PTPN5: variants seen among roughly 807,000 people sequenced by gnomAD.
PTPN5 encodes tyrosine-protein phosphatase non-receptor type 5.
PTPN5 carries 29 observed loss-of-function variants against 73.9 expected under a neutral mutation model. That is an observed-to-expected ratio of 0.39 (90% CI 0.29 to 0.54). The LOEUF (loss-of-function observed/expected upper bound fraction) is 0.54, where lower values mean the gene tolerates loss of function less well. Ranked by LOEUF, PTPN5 falls within the 20% of genes least tolerant of loss-of-function variation. The pLI is 0.65. For synonymous variants in PTPN5, 267 were observed against 304.7 expected (o/e 0.88, Z 1.29); for missense variants, 652 against 751.4 (o/e 0.87, Z 1.55).
At chr11:18,745,674 T>TCAG (rs1296460346) in intron 3 of PTPN5, among the ~76,000 whole-genome samples, 3 of 151,752 alleles carry the variant, frequency 2.0e-5, no homozygotes, top group East Asian at 1.9e-4. Context: ...ATCATCATCA[T>TCAG]CAGCAGCAGC....
intron 7 of PTPN5, among the ~76,000 whole-genome samples, 175 bp from the exon 8 acceptor site, chr11:18,740,967 CCT>C (rs1849339757): frequency 6.6e-6 from 1 of 152,020 alleles, no homozygotes. Flanking sequence ...GAATCTCAGC[CCT>C]GAGGCATTGG....
At chr11:18,748,813 A>T (rs1300706505) in intron 3 of PTPN5, among the ~76,000 whole-genome samples, 2 of 152,198 alleles carry the variant, frequency 1.3e-5, no homozygotes, top group African/African-American at 4.8e-5. Context: ...ATTCAATGTC[A>T]TGCAATTCAG....
At chr11:18,745,255 G>A (rs1849562682) in intron 3 of PTPN5, among the ~76,000 whole-genome samples, 1 of 152,192 alleles carries the variant, frequency 6.6e-6, no homozygotes, top group Non-Finnish European at 1.5e-5. Context: ...TGCTGTATAT[G>A]GGACAATGGA....
chr11:18,751,115 G>A (rs550047087), intron 3 of PTPN5, among the ~76,000 whole-genome samples: 5 of 152,202 alleles, frequency 3.3e-5, no homozygotes, highest in African/African-American at 4.8e-5. Flanking sequence ...CAGCACTCCC[G>A]TGGGCTCTGA....
At chr11:18,757,762 A>G (rs1850220675) in intron 3 of PTPN5, among the ~76,000 whole-genome samples, 2 of 152,178 alleles carry the variant, frequency 1.3e-5, no homozygotes, top group South Asian at 4.1e-4. Context: ...TTGGTGCAGA[A>G]CTCAGAATTC....
intron 3 of PTPN5, among the ~76,000 whole-genome samples, chr11:18,746,694 G>A (rs1487003585): frequency 6.6e-6 from 1 of 152,214 alleles, no homozygotes; most frequent in Non-Finnish European, 1.5e-5. Flanking sequence ...AGTGCCAATG[G>A]AGTCTAAGAG....
At chr11:18,787,169 T>C (rs1286061990) in intron 1 of PTPN5, among the ~76,000 whole-genome samples, 2 of 152,260 alleles carry the variant, frequency 1.3e-5, no homozygotes, top group African/African-American at 4.8e-5. Context: ...TTTTCATACT[T>C]GAGTGACAAC....
chr11:18,746,116 T>G (rs1242102287), intron 3 of PTPN5, among the ~76,000 whole-genome samples: 2 of 146,174 alleles, frequency 1.4e-5, no homozygotes. Context: ...TTTTGCCTGA[T>G]AAATGGAGAT....
At chr11:18,771,076 C>T (rs1215448607) in intron 2 of PTPN5, among the ~76,000 whole-genome samples, 8 of 152,218 alleles carry the variant, frequency 5.3e-5, no homozygotes, top group East Asian at 1.9e-4. Context: ...CTTCCAAGGT[C>T]GGTGAGGAGC....
chr11:18,756,539 C>T (rs1353334484), intron 3 of PTPN5, among the ~76,000 whole-genome samples: 1 of 151,888 alleles, frequency 6.6e-6, no homozygotes, highest in Non-Finnish European at 1.5e-5. Flanking sequence ...TCATGTGACC[C>T]ACCCGTCTCA....
chr11:18,787,959 C>T (rs1266310953), intron 1 of PTPN5, among the ~76,000 whole-genome samples: 1 of 152,168 alleles, frequency 6.6e-6, no homozygotes, highest in Non-Finnish European at 1.5e-5. Context: ...ACCAGCTTTT[C>T]AGGAGGGCTC....
chr11:18,744,164 C>T lies in PTPN5; in HGVS notation c.133G>A (p.Glu45Lys), dbSNP rs753563589. Reference sequence around the variant, plus strand: ...TGTGAGTCCTGGAGCCCTTCAGCCTCGTCCAGTGCCTCCATCACTATCGGC... The same window carrying T: ...TGTGAGTCCTGGAGCCCTTCAGCCTTGTCCAGTGCCTCCATCACTATCGGC... Reference protein sequence around the residue: ...PQPIVMEALDEAEGLQDSQRE... With the variant: ...PQPIVMEALDKAEGLQDSQRE... The change falls in exon 4 of 15, where the codon GAG becomes AAG. Residue 45 changes from glutamate (E) to lysine (K), a missense_variant. Transcript: ENST00000358540. The T allele has an allele frequency of 6.3e-5, 100 of 1,588,474 alleles. 1 individual carries two copies. In the South Asian group the frequency reaches 6.6e-4, roughly 11 times the overall value.
chr11:18,759,094 C>G (rs964999205), intron 3 of PTPN5, among the ~76,000 whole-genome samples: 2 of 152,158 alleles, frequency 1.3e-5, no homozygotes, highest in Admixed American at 6.5e-5. Context: ...TACACTACCC[C>G]ACTCCACTGC....
chr11:18,733,849 G>C lies in PTPN5; in HGVS notation c.1001-214C>G, dbSNP rs1245265039. ...GGTGGAGAGAGAGGGGGGTCCCCGG[G>C]TCTCTACCTCTGTCTCTATCCTTAG... On this transcript the variant is annotated intron_variant, in intron 9 of 14. Coordinates refer to ENST00000358540, the MANE Select transcript of PTPN5 (RefSeq NM_006906.2). The surrounding 1 kb of genome is among the most constrained non-coding windows in gnomAD (Gnocchi z 4.3). 6.6e-6 allele frequency among the ~76,000 whole-genome samples: 1 copy of C among 152,182 alleles called. No individual in the cohort carries two copies. Among genetic ancestry groups the C allele is most frequent in the Non-Finnish European group, 1.5e-5 (1 of 68,026 alleles).
rs185999237 is a variant in PTPN5, at chr11:18,769,388, G to T, written c.20+2551C>A. On this transcript the variant is annotated intron_variant, in intron 2 of 14. Transcript: ENST00000358540. ...TTCTCCAAGGGGGAGACAGGAGCTGGTTTTTTTTTAAATTAATTAATTAAT... is the reference window on the plus strand; with the variant it reads ...TTCTCCAAGGGGGAGACAGGAGCTGTTTTTTTTTTAAATTAATTAATTAAT... Among the ~76,000 whole-genome samples, 339 of 151,614 alleles carry T rather than the reference G, an allele frequency of 2.2e-3. 2 individuals carry two copies. The highest frequency in any genetic ancestry group is 0.016 in the South Asian group (75 of 4,780).
In PTPN5 at chr11:18,748,621, T is replaced by A. The variant is rs1849744331; in HGVS notation, c.98-4422A>T. 2.0e-5 allele frequency among the ~76,000 whole-genome samples: 3 copies of A among 152,118 alleles called. No individual in the cohort carries two copies. In the South Asian group the frequency reaches 6.3e-4, roughly 32 times the overall value. On this transcript the variant is annotated intron_variant, in intron 3 of 14. Transcript: ENST00000358540. ...TTTGGGGAGATGCATGGACCTCAGG[T>A]TAAGAACCCCTGATCTCGGGGGTGG...
chr11:18,756,695 G>C (rs1850153915), intron 3 of PTPN5, among the ~76,000 whole-genome samples: 1 of 151,930 alleles, frequency 6.6e-6, no homozygotes, highest in Non-Finnish European at 1.5e-5. Flanking sequence ...GGCCGAGGCG[G>C]GCGGATCATG....
chr11:18,791,574 GA>G lies in PTPN5; in HGVS notation c.-164del, dbSNP rs1381468507. The G allele has an allele frequency of 2.2e-4, 34 of 153,666 alleles. 2 individuals carry two copies. In the South Asian group the frequency reaches 7.0e-3, roughly 32 times the overall value. The allele number at this position is 153,666 out of a possible 1,614,324, so 9.5% of individuals were successfully genotyped here. A position where few individuals can be genotyped will look rare whatever the true frequency, so the allele number is the denominator to read the frequency against. On this transcript the variant is annotated 5_prime_UTR_variant, in exon 1 of 15. Transcript: ENST00000358540. ...GGCGAGCAGGCGGGCAGGCTGGCGG[GA>G]GGATGCGCGCGCGAGTGTGCGTGTG...
chr11:18,772,392 T>C (rs1165962249), intron 1 of PTPN5, among the ~76,000 whole-genome samples: 3 of 152,220 alleles, frequency 2.0e-5, no homozygotes, highest in African/African-American at 4.8e-5. Context: ...GGACTCCCAA[T>C]GCTTAGTTCA....
Sources: gnomAD v4.1 joint callset for allele counts (sites outside exome capture counted in the v4.1 genomes callset) on GRCh38, gnomAD v4.1.1 for gene constraint, Gnocchi (gnomAD v3.1) non-coding constraint, MANE v1.5 for transcripts, NCBI Gene and HGNC (gene_info 2026-07-23, HGNC 2026-07-21) for gene names.